Variants in ZCCHC2 observed in about 807,000 individuals in gnomAD.
ZCCHC2 encodes zinc finger CCHC-type containing 2.
A neutral mutation model predicts 103.6 loss-of-function variants in ZCCHC2; 39 were observed. That is an observed-to-expected ratio of 0.38 (90% CI 0.29 to 0.49). The LOEUF is 0.49. Ranked by LOEUF, ZCCHC2 falls within the 20% of genes least tolerant of loss-of-function variation. The pLI is 0.96. For synonymous variants in ZCCHC2, 687 were observed against 608.9 expected (o/e 1.13, Z -1.89); for missense variants, 1,483 against 1,491.0 (o/e 0.99, Z 0.09).
Position 62,524,099 on chromosome 18 carries a change from C to CGACGGCGAGCAG in ZCCHC2, c.680_691dup (p.Gly227_Asp230dup). On this transcript the variant is annotated inframe_insertion, in exon 1 of 14. Coordinates refer to ENST00000269499, the MANE Select transcript of ZCCHC2 (RefSeq NM_017742.6). Reference sequence around the variant, plus strand: ...CGGAGGACGAGCGCGGCGAGGACGGCGACGGCGAGCAGGACGCCGAGAAGG... The same window carrying CGACGGCGAGCAG: ...CGGAGGACGAGCGCGGCGAGGACGGCGACGGCGAGCAGGACGGCGAGCAGGACGCCGAGAAGG... The CGACGGCGAGCAG allele has an allele frequency of 6.6e-7, 1 of 1,519,376 alleles. No homozygotes were observed. The highest frequency in any genetic ancestry group is 8.8e-7 in the Non-Finnish European group (1 of 1,138,970). 94.1% of individuals were successfully genotyped at this position (1,519,376 alleles called of 1,614,324 possible).
rs954809371 is a variant in ZCCHC2 at position 62,559,724 on chromosome 18, A to T, written c.1493-863A>T. Among the ~76,000 whole-genome samples, 11 of 152,232 alleles carry T rather than the reference A, an allele frequency of 7.2e-5. No individual in the cohort carries two copies. In the East Asian group the frequency reaches 2.1e-3, roughly 29 times the overall value. Reference sequence around the variant, plus strand: ...ACCAGGAAATTGCCTGAACATTTCAAATGTTAGTAATGTTATAAATAAATA... The same window carrying T: ...ACCAGGAAATTGCCTGAACATTTCATATGTTAGTAATGTTATAAATAAATA... On this transcript the variant is annotated intron_variant, in intron 7 of 13. Transcript: ENST00000269499.
chr18:62,547,693 C>T (rs1445021586), intron 4 of ZCCHC2, among the ~76,000 whole-genome samples: 1 of 151,988 alleles, frequency 6.6e-6, no homozygotes, highest in African/African-American at 2.4e-5. Flanking sequence ...TTCCAAGTAG[C>T]TGGGATTACA....
chr18:62,553,549 T>C (rs1915757818), intron 5 of ZCCHC2, among the ~76,000 whole-genome samples: 1 of 152,116 alleles, frequency 6.6e-6, no homozygotes, highest in Non-Finnish European at 1.5e-5. Context: ...CAGGTATATA[T>C]TCTTAACACA....
chr18:62,530,280 C>T (rs969891066), intron 1 of ZCCHC2, among the ~76,000 whole-genome samples: 2 of 152,174 alleles, frequency 1.3e-5, no homozygotes, highest in Admixed American at 1.3e-4. Context: ...TCAACTCTGC[C>T]ACTAGCTGTG....
intron 6 of ZCCHC2, among the ~76,000 whole-genome samples, chr18:62,557,767 A>C (rs933735532): frequency 3.3e-5 from 5 of 152,268 alleles, no homozygotes; most frequent in African/African-American, 4.8e-5. Flanking sequence ...CAGGCTGCTC[A>C]GGAAAACTCA....
chr18:62,583,945 A>C (rs1321248174), intron 14 of ZCCHC2, among the ~76,000 whole-genome samples: 1 of 152,126 alleles, frequency 6.6e-6, no homozygotes, highest in Non-Finnish European at 1.5e-5. Flanking sequence ...CAGAGAGAGG[A>C]CAGGCCAGGG....
chr18:62,570,761 A>G lies in ZCCHC2; in HGVS notation c.1975+530A>G, dbSNP rs886881269. On this transcript the variant is annotated intron_variant, in intron 12 of 13. Coordinates refer to ENST00000269499, the MANE Select transcript of ZCCHC2 (RefSeq NM_017742.6). ...ATAAATTTTGTCTCTTGTAGACAAC[A>G]TATAGTTAGATTATGGTTTTTTATT... Among the ~76,000 whole-genome samples the G allele has an allele frequency of 2.6e-5, 4 of 152,190 alleles. No individual in the cohort carries two copies. In the South Asian group the frequency reaches 6.2e-4, roughly 24 times the overall value.
Position 62,570,180 on chromosome 18 carries a change from C to G in ZCCHC2, c.1924C>G (p.Pro642Ala). ...SSESYSSPSS[P>A]RHDGRESFES... ...AGAGAGTTACAGTTCTCCATCTAGT[C>G]CCCGACATGATGGAAGAGAAAGTTT... The change falls in exon 12 of 14, where the codon CCC becomes GCC. Residue 642 changes from proline (P) to alanine (A), a missense_variant. Around this residue, in one of 3 missense-constraint regions of ZCCHC2, gnomAD observed 884 missense variants for 907.5 expected, o/e 0.97. Transcript: ENST00000269499. 2 of 1,611,868 alleles carry G rather than the reference C, an allele frequency of 1.2e-6. No homozygotes were observed. The highest frequency in any genetic ancestry group is 2.7e-5 in the African/African-American group (2 of 74,968).
chr18:62,534,311 TAA>T (rs11403938), intron 1 of ZCCHC2, among the ~76,000 whole-genome samples: 154 of 143,884 alleles, frequency 1.1e-3, no homozygotes, highest in African/African-American at 3.2e-3. Context: ...GATCCTGTCT[TAA>T]AAAAAAAAAA....
chr18:62,562,495 T>C (rs1022100445), intron 8 of ZCCHC2, among the ~76,000 whole-genome samples: 1 of 152,210 alleles, frequency 6.6e-6, no homozygotes, highest in Non-Finnish European at 1.5e-5. Flanking sequence ...ATTTACTTTT[T>C]TTTTCTTTTC....
chr18:62,567,955 A>AAAAAAAAAAAAAAAAAAAAAAG (rs1568555841), intron 11 of ZCCHC2, among the ~76,000 whole-genome samples: 3 of 150,168 alleles, frequency 2.0e-5, no homozygotes, highest in African/African-American at 7.4e-5. Flanking sequence ...AAAAAAAAAA[A>AAAAAAAAAAAAAAAAAAAAAAG]AAAAGAATGC....
chr18:62,574,237 T>C lies in ZCCHC2; in HGVS notation c.2156T>C (p.Met719Thr). The change falls in exon 13 of 14, where the codon ATG (methionine) becomes ACG (threonine). Residue 719 changes from methionine to threonine, a missense_variant. Physicochemically the swap from Met to Thr is moderately conservative, Grantham distance 81. Around this residue, in one of 3 missense-constraint regions of ZCCHC2, gnomAD observed 884 missense variants for 907.5 expected, o/e 0.97. Transcript: ENST00000269499. Reference protein sequence around the residue: ...NSPKYQHISFMPTLHCVMHNG... With the variant: ...NSPKYQHISFTPTLHCVMHNG... ...CCCAAGTATCAGCATATTTCTTTTA[T>C]GCCAACGTTACACTGTGTCATGCAC... The C allele has an allele frequency of 1.2e-6, 2 of 1,614,090 alleles. No homozygotes were observed. The highest frequency in any genetic ancestry group is 8.5e-7 in the Non-Finnish European group (1 of 1,179,904).
rs1338417635 is a variant in ZCCHC2 at position 62,578,519 on chromosome 18, C to T, written c.*1940C>T. ...GGAAAGGCCACTTATATTTCTAGAA[C>T]AGATTGGATTTTATGCAACCTTTTT... On this transcript the variant is annotated 3_prime_UTR_variant, in exon 14 of 14. Transcript: ENST00000269499. 6.6e-6 allele frequency: 1 copy of T among 152,580 alleles called. No homozygotes were observed. Among genetic ancestry groups the T allele is most frequent in the Non-Finnish European group, 1.5e-5 (1 of 68,036 alleles). The allele number at this position is 152,580 out of a possible 1,614,324, so 9.5% of individuals were successfully genotyped here.
At chr18:62,524,500 G>A in intron 1 of ZCCHC2, 137 bp downstream of exon 1, 1 of 1,319,820 alleles carries the variant, frequency 7.6e-7, no homozygotes, top group Non-Finnish European at 9.8e-7. Flanking sequence ...GCAGCTCCCA[G>A]CGCCAGAGGG....
At chr18:62,524,534 C>T in intron 1 of ZCCHC2, 171 bp downstream of exon 1, 1 of 1,046,666 alleles carries the variant, frequency 9.6e-7, no homozygotes, top group Non-Finnish European at 1.3e-6. Context: ...CGCTGGGCCG[C>T]TCCGTTCCAC....
intron 5 of ZCCHC2, 22 bp downstream of exon 5, chr18:62,550,482 A>G (rs1915618064): frequency 1.3e-6 from 2 of 1,582,688 alleles, no homozygotes; most frequent in African/African-American, 1.3e-5. Context: ...CCTGACGCCT[A>G]TCATAGCAGC....
At chr18:62,561,984 G>A (rs1175077710) in intron 8 of ZCCHC2, among the ~76,000 whole-genome samples, 2 of 151,826 alleles carry the variant, frequency 1.3e-5, no homozygotes, top group Non-Finnish European at 2.9e-5. Flanking sequence ...ACCATGTCCC[G>A]TGGTTTTTTT....
At chr18:62,527,749 A>C (rs1052990928) in intron 1 of ZCCHC2, among the ~76,000 whole-genome samples, 1 of 152,348 alleles carries the variant, frequency 6.6e-6, no homozygotes, top group South Asian at 2.1e-4. Context: ...AGGAAGTTAC[A>C]GACTGCTTAT....
chr18:62,553,341 C>G (rs1568548728), intron 5 of ZCCHC2, among the ~76,000 whole-genome samples: 1 of 151,988 alleles, frequency 6.6e-6, no homozygotes, highest in African/African-American at 2.4e-5. Context: ...CATAATATAC[C>G]TTTTTAGCTG....
Sources: gnomAD v4.1 joint callset for allele counts (sites outside exome capture counted in the v4.1 genomes callset) on GRCh38, gnomAD v4.1.1 for gene constraint, gnomAD v4.1.1 regional missense constraint, MANE v1.5 for transcripts, NCBI Gene and HGNC (gene_info 2026-07-23, HGNC 2026-07-21) for gene names.